RYR1: variants seen among roughly 807,000 people sequenced by gnomAD.
RYR1 encodes the protein central core disease of muscle.
In RYR1, 342 loss-of-function variants were observed where a neutral mutation model predicts 583.5. The ratio of observed to expected loss-of-function variants is 0.59; its 90% CI spans 0.54 to 0.64. The LOEUF is 0.64. RYR1 is among the 30% of genes least tolerant of loss of function. The probability of loss-of-function intolerance (pLI) is 0.00; values close to 1 mark genes in which losing one functional copy is unlikely to be tolerated. For synonymous variants in RYR1, 2,791 were observed against 2,822.5 expected (o/e 0.99, Z 0.35); for missense variants, 6,032 against 6,917.2 (o/e 0.87, Z 4.54).
At position 38,561,573 on chromosome 19, in the gene RYR1, C is replaced by T. The variant is rs1024807147; in HGVS notation, c.12624+119C>T. On this transcript the variant is annotated intron_variant, in intron 90 of 105. Coordinates refer to ENST00000359596, the MANE Select transcript of RYR1 (RefSeq NM_000540.3). This position sits in a 1 kb window ranked among gnomAD's most constrained non-coding sequence, Gnocchi z 4.8. ...CGTGCCTCGCATATCTGCCCTGCTC[C>T]GGCAAGCCCACGCCCACCCTTTTGT... 7 of 995,584 alleles carry T rather than the reference C, an allele frequency of 7.0e-6. No homozygotes were observed. Among genetic ancestry groups the T allele is most frequent in the Non-Finnish European group, 8.8e-6 (6 of 679,698 alleles). The allele number at this position is 995,584 out of a possible 1,614,324, so 61.7% of individuals were successfully genotyped here.
intron 64 of RYR1, among the ~76,000 whole-genome samples, chr19:38,515,856 A>C (rs1970943939): frequency 6.6e-6 from 1 of 152,152 alleles, no homozygotes; most frequent in African/African-American, 2.4e-5. Context: ...TGGGAGGATC[A>C]CTTGAACCCA....
intron 18 of RYR1, 107 bp downstream of exon 18, chr19:38,458,399 G>T: frequency 8.3e-7 from 1 of 1,211,344 alleles, no homozygotes; most frequent in Admixed American, 1.8e-5. Context: ...TCCCTGAAAA[G>T]GTCAACTTTT....
At chr19:38,502,828 C>CAGGGGCAGGGGG in intron 48 of RYR1, 52 bp from the exon 49 acceptor site, 1 of 1,535,428 alleles carries the variant, frequency 6.5e-7, no homozygotes, top group Non-Finnish European at 8.8e-7. Flanking sequence ...GGGGCAGGGG[C>CAGGGGCAGGGGG]AGCAGAGCGG....
Position 38,535,392 on chromosome 19 carries a change from G to A in RYR1, c.11516G>A (p.Ser3839Asn). The A allele has an allele frequency of 6.2e-7, 1 of 1,612,940 alleles. No individual in the cohort carries two copies. The highest frequency in any genetic ancestry group is 1.3e-5 in the African/African-American group (1 of 75,010). Residue 3839 changes from serine to asparagine, a missense_variant and splice_region_variant, in exon 81 of 106, where the codon AGC becomes AAC. This residue lies in a region of RYR1 where 1,493 missense variants were observed against 1,715.5 expected (regional missense o/e 0.87). Coordinates refer to ENST00000359596, the MANE Select transcript of RYR1 (RefSeq NM_000540.3). ...QSIQALMQTC[S>N]VLDLNAFERQ... is the part of the protein sequence containing the mutation. ...ATCCAGGCACTGATGCAAACATGCA[G>A]GTAGGTTCGAGTGGACCTCTTCTTG...
intron 12 of RYR1, among the ~76,000 whole-genome samples, chr19:38,452,356 G>A (rs1967120666): frequency 1.3e-5 from 2 of 152,058 alleles, no homozygotes; most frequent in Admixed American, 1.3e-4. Flanking sequence ...AAGGAGGATT[G>A]CTTGAGCCGA....
Position 38,565,895 on chromosome 19 carries a change from C to T in RYR1, c.13437+124C>T. 8.9e-7 allele frequency: 1 copy of T among 1,129,184 alleles called. No homozygotes were observed. Among genetic ancestry groups the T allele is most frequent in the Non-Finnish European group, 1.1e-6 (1 of 874,666 alleles). 69.9% of individuals were successfully genotyped at this position (1,129,184 alleles called of 1,614,324 possible). A position where few individuals can be genotyped will look rare whatever the true frequency, so the allele number is the denominator to read the frequency against. The stretch of plus-strand genomic sequence containing the variant: ...GGCTAGGGGGATGGGCACACGCACC[C>T]ACGGAGGACGCACCCATGGAGGACG... On this transcript the variant is annotated intron_variant, in intron 91 of 105. Transcript: ENST00000359596. The surrounding 1 kb of genome is among the most constrained non-coding windows in gnomAD (Gnocchi z 4.7).
chr19:38,569,135 C>T (rs1256184884), intron 93 of RYR1, among the ~76,000 whole-genome samples: 2 of 152,048 alleles, frequency 1.3e-5, no homozygotes, highest in Non-Finnish European at 2.9e-5. Context: ...CTCAGCCTCC[C>T]GAGTAGCTAG....
At chr19:38,482,993 C>A in intron 31 of RYR1, 34 bp from the exon 32 acceptor site, 1 of 1,583,366 alleles carries the variant, frequency 6.3e-7, no homozygotes, top group Non-Finnish European at 8.7e-7. Flanking sequence ...CCAGCCCACC[C>A]GTTTGCTCAC....
chr19:38,539,115 C>A (rs947716304), intron 84 of RYR1, among the ~76,000 whole-genome samples: 2 of 151,856 alleles, frequency 1.3e-5, no homozygotes, highest in African/African-American at 4.8e-5. Flanking sequence ...AATCTTCATT[C>A]TTTTTCTTTC....
intron 67 of RYR1, among the ~76,000 whole-genome samples, chr19:38,519,766 C>T (rs375659147): frequency 1.3e-5 from 2 of 151,662 alleles, no homozygotes; most frequent in Admixed American, 1.3e-4. Context: ...GTAACCTCCA[C>T]CTCCCGGGTT....
Position 38,565,619 on chromosome 19 carries a change from G to A in RYR1, c.13285G>A (p.Ala4429Thr). 6.4e-6 allele frequency: 9 copies of A among 1,414,638 alleles called. No individual in the cohort carries two copies. Among genetic ancestry groups the A allele is most frequent in the Middle Eastern group, 2.5e-4 (1 of 3,944 alleles). The allele number at this position is 1,414,638 out of a possible 1,614,324, so 87.6% of individuals were successfully genotyped here. A position where few individuals can be genotyped will look rare whatever the true frequency, so the allele number is the denominator to read the frequency against. ...AGDEEEAVHE[A>T]GPGGADGAVA... ...AGACGAGGAGGAGGCGGTGCACGAGGCCGGGCCGGGCGGTGCCGACGGGGC... is the reference window on the plus strand; with the variant it reads ...AGACGAGGAGGAGGCGGTGCACGAGACCGGGCCGGGCGGTGCCGACGGGGC... The change falls in exon 91 of 106, where the codon GCC (alanine) becomes ACC (threonine). Residue 4429 changes from alanine to threonine, a missense_variant. By Grantham distance (58) the Ala-to-Thr change is moderately conservative. Around this residue, in one of 11 missense-constraint regions of RYR1, gnomAD observed 753 missense variants for 759.6 expected, o/e 0.99. Coordinates refer to ENST00000359596, the MANE Select transcript of RYR1 (RefSeq NM_000540.3). The surrounding 1 kb of genome is among the most constrained non-coding windows in gnomAD (Gnocchi z 4.7).
At position 38,506,506 on chromosome 19, in the gene RYR1, C is replaced by T; in HGVS notation, c.8652C>T (p.Asn2884=). The T allele has an allele frequency of 1.2e-6, 2 of 1,614,094 alleles. No homozygotes were observed. Among genetic ancestry groups the T allele is most frequent in the Non-Finnish European group, 1.7e-6 (2 of 1,180,010 alleles). The change falls in exon 56 of 106, where the codon AAC becomes AAT. Residue 2884 remains asparagine (N), a synonymous_variant. Coordinates refer to ENST00000359596, the MANE Select transcript of RYR1 (RefSeq NM_000540.3). ...MAEQLAENYH[N]TWGRKKKQEL... is the part of the protein sequence containing the mutation. ...AACAACTGGCAGAAAATTACCACAA[C>T]ACGTGGGGACGGAAGAAGAAGCAGG... is the stretch of plus-strand genomic sequence containing the variant.
intron 59 of RYR1, 29 bp downstream of exon 59, chr19:38,510,594 C>T (rs772693580): frequency 2.4e-5 from 39 of 1,613,952 alleles, no homozygotes; most frequent in Middle Eastern, 1.6e-4. Flanking sequence ...AGCTGGAGGG[C>T]GCTGGGGACT....
chr19:38,455,187 G>C lies in RYR1; in HGVS notation c.1441-48G>C, dbSNP rs749620612. On this transcript the variant is annotated intron_variant, in intron 13 of 105. Coordinates refer to ENST00000359596, the MANE Select transcript of RYR1 (RefSeq NM_000540.3). The stretch of plus-strand genomic sequence containing the variant: ...GTGAATCCAAGAAAGACAAGGAAGG[G>C]AGGGCCTGGGTCTCCTATTGTGATG... The C allele has an allele frequency of 2.1e-5, 33 of 1,606,032 alleles. No individual in the cohort carries two copies. In the South Asian group the frequency reaches 3.2e-4, roughly 16 times the overall value.
At chr19:38,539,997 T>C (rs1972131236) in intron 84 of RYR1, among the ~76,000 whole-genome samples, 1 of 152,188 alleles carries the variant, frequency 6.6e-6, no homozygotes, top group Admixed American at 6.6e-5. Context: ...TATAAAATTT[T>C]GAATATTTGA....
At chr19:38,497,145 T>C (rs1010895677) in intron 42 of RYR1, among the ~76,000 whole-genome samples, 191 bp downstream of exon 42, 7 of 152,116 alleles carry the variant, frequency 4.6e-5, no homozygotes, top group African/African-American at 2.4e-5. Flanking sequence ...GCTTCCTGGC[T>C]GTGGGCCGGT....
chr19:38,524,081 T>C, intron 70 of RYR1, 152 bp downstream of exon 70: 2 of 691,692 alleles, frequency 2.9e-6, no homozygotes, highest in Non-Finnish European at 4.7e-6. Flanking sequence ...TCCCTTCCCT[T>C]CCCTCCCCAC....
At chr19:38,456,545 G>T (rs958238429) in intron 16 of RYR1, among the ~76,000 whole-genome samples, 1 of 151,684 alleles carries the variant, frequency 6.6e-6, no homozygotes, top group African/African-American at 2.4e-5. Flanking sequence ...GCCTCCCAAA[G>T]TGCTGGGATT....
chr19:38,484,356 T>C, intron 33 of RYR1, among the ~76,000 whole-genome samples: 1 of 143,786 alleles, frequency 7.0e-6, no homozygotes, highest in East Asian at 1.9e-4. Flanking sequence ...GACATGCCTC[T>C]TTCTTTCTTT....
Sources: gnomAD v4.1 joint callset for allele counts (sites outside exome capture counted in the v4.1 genomes callset) on GRCh38, gnomAD v4.1.1 for gene constraint, gnomAD v4.1.1 regional missense constraint, Gnocchi (gnomAD v3.1) non-coding constraint, MANE v1.5 for transcripts, NCBI Gene and HGNC (gene_info 2026-07-23, HGNC 2026-07-21) for gene names.